Variants in DDR2 observed in about 807,000 individuals in gnomAD.
The protein encoded by DDR2 is discoidin domain receptor tyrosine kinase 2.
DDR2 carries 27 observed loss-of-function variants against 94.9 expected under a neutral mutation model. The ratio of observed to expected loss-of-function variants is 0.28; its 90% confidence interval spans 0.21 to 0.39. The LOEUF is 0.39. Among genes scored for constraint, DDR2 ranks in the 10% least tolerant of loss-of-function variants. The pLI, the probability that DDR2 is intolerant of heterozygous loss-of-function variation, is 1.00. For missense variants in DDR2, 783 were observed against 1,076.0 expected (o/e 0.73, Z 3.81); for synonymous variants, 382 against 377.2 (o/e 1.01, Z -0.15).
At chr1:162,690,769 C>G (rs1659927866) in intron 2 of DDR2, among the ~76,000 whole-genome samples, 1 of 152,194 alleles carries the variant, frequency 6.6e-6, no homozygotes, top group Non-Finnish European at 1.5e-5. Flanking sequence ...TTGAATCACA[C>G]AAGCCCTCAT....
chr1:162,696,704 G>A (rs1271477823), intron 2 of DDR2, among the ~76,000 whole-genome samples: 1 of 151,982 alleles, frequency 6.6e-6, no homozygotes, highest in African/African-American at 2.4e-5. Context: ...TAAACCAGAG[G>A]CCCCTTTCCT....
At chr1:162,682,223 A>G (rs1361206577) in intron 2 of DDR2, among the ~76,000 whole-genome samples, 1 of 152,132 alleles carries the variant, frequency 6.6e-6, no homozygotes, top group Non-Finnish European at 1.5e-5. Flanking sequence ...GCCCAGGCTT[A>G]AGTATGCATC....
At chr1:162,717,869 A>T (rs1661241368) in intron 2 of DDR2, among the ~76,000 whole-genome samples, 1 of 152,194 alleles carries the variant, frequency 6.6e-6, no homozygotes. Context: ...TCCACTGAAA[A>T]GTGACCCTTT....
At position 162,768,652 on chromosome 1, in the gene DDR2, A is replaced by G. The variant is rs146911975; in HGVS notation, c.1293+1293A>G. On this transcript the variant is annotated intron_variant, in intron 11 of 17. Coordinates refer to ENST00000367921, the MANE Select transcript of DDR2 (RefSeq NM_006182.4). ...GGAGCAATCCTGATGAGTAGCCTGC[A>G]ATTCCTTCTGATCTGTGCCACCCTC... 5.2e-3 allele frequency among the ~76,000 whole-genome samples: 785 copies of G among 152,272 alleles called. 6 individuals are homozygous for G. The highest frequency in any genetic ancestry group is 0.018 in the African/African-American group (754 of 41,546).
chr1:162,775,920 C>T (rs1004765941), intron 15 of DDR2, 77 bp downstream of exon 15: 5 of 1,572,794 alleles, frequency 3.2e-6, no homozygotes, highest in Admixed American at 1.7e-5. Context: ...GAGCAGTGAG[C>T]CTTAAAGTGT....
intron 1 of DDR2, among the ~76,000 whole-genome samples, chr1:162,652,134 C>T (rs1657722741): frequency 6.6e-6 from 1 of 152,236 alleles, no homozygotes; most frequent in South Asian, 2.1e-4. Context: ...TAGTTAGCAT[C>T]TCTAAATATT....
In DDR2 at chr1:162,770,298, C is replaced by G. The variant is rs2102180523; in HGVS notation, c.1294-4C>G. The G allele has an allele frequency of 1.2e-6, 2 of 1,613,914 alleles. No individual in the cohort carries two copies. On this transcript the variant is annotated splice_polypyrimidine_tract_variant and splice_region_variant and intron_variant, in intron 11 of 17. Transcript: ENST00000367921. The stretch of plus-strand genomic sequence containing the variant: ...ATGCCTTTCTCCTTGCTCTTCTCTT[C>G]CAGGCTTCTCGGAGGATGCTGGATG...
Position 162,780,282 on chromosome 1 carries a change from G to A in DDR2, c.*36G>A, listed in dbSNP as rs908287115. On this transcript the variant is annotated 3_prime_UTR_variant, in exon 18 of 18. Transcript: ENST00000367921. ...GCCTGGCCATGTTCCTACGGCTCAGGTCCTCCCTACAAGACCTACCACTCA... is the reference window on the plus strand; with the variant it reads ...GCCTGGCCATGTTCCTACGGCTCAGATCCTCCCTACAAGACCTACCACTCA... 3 of 1,613,278 alleles carry A rather than the reference G, an allele frequency of 1.9e-6. No homozygotes were observed. Among genetic ancestry groups the A allele is most frequent in the East Asian group, 2.2e-5 (1 of 44,834 alleles).
chr1:162,655,660 T>C lies in DDR2; in HGVS notation c.-28+286T>C, dbSNP rs573734120. Among the ~76,000 whole-genome samples the C allele has an allele frequency of 3.7e-4, 56 of 152,358 alleles. 1 individual carries two copies. The South Asian group carries it at 0.011, about 30-fold the overall frequency. ...CTGGCCTAGAATGTCTTCCTCAGTT[T>C]TGAGTAAGCCAGGGTACCTGGCCTC... On this transcript the variant is annotated intron_variant, in intron 2 of 17. Coordinates refer to ENST00000367921, the MANE Select transcript of DDR2 (RefSeq NM_006182.4).
intron 3 of DDR2, among the ~76,000 whole-genome samples, chr1:162,745,183 AT>A (rs1235243622): frequency 6.6e-6 from 1 of 152,184 alleles, no homozygotes; most frequent in East Asian, 1.9e-4. Context: ...TTAAAATCAT[AT>A]TTTTTGTTTC....
chr1:162,759,013 G>A (rs1436989680), intron 7 of DDR2, among the ~76,000 whole-genome samples: 1 of 152,116 alleles, frequency 6.6e-6, no homozygotes, highest in Non-Finnish European at 1.5e-5. Flanking sequence ...TCAGGCTTCT[G>A]GAAAACTCAG....
intron 3 of DDR2, among the ~76,000 whole-genome samples, chr1:162,748,619 A>G (rs1214324454): frequency 6.6e-6 from 1 of 152,230 alleles, no homozygotes; most frequent in Non-Finnish European, 1.5e-5. Flanking sequence ...TAACAAGGAT[A>G]TCCAGGACTT....
chr1:162,753,701 C>A (rs1365173999), intron 4 of DDR2, among the ~76,000 whole-genome samples: 1 of 152,170 alleles, frequency 6.6e-6, no homozygotes, highest in Non-Finnish European at 1.5e-5. Context: ...CACAGAAGGG[C>A]CATCCTTGCC....
At chr1:162,773,866 A>G (rs996139027) in intron 14 of DDR2, among the ~76,000 whole-genome samples, 22 of 152,192 alleles carry the variant, frequency 1.4e-4, no homozygotes, top group African/African-American at 5.1e-4. Flanking sequence ...ACTTGTTCCC[A>G]ACATATACAA....
chr1:162,672,604 G>A (rs1256490892), intron 2 of DDR2, among the ~76,000 whole-genome samples: 1 of 151,996 alleles, frequency 6.6e-6, no homozygotes, highest in Non-Finnish European at 1.5e-5. Flanking sequence ...ATAGATTCAT[G>A]TATACTTTAT....
chr1:162,766,039 T>C lies in DDR2; in HGVS notation c.1138T>C (p.Ser380Pro). Residue 380 changes from serine (S) to proline (P), a missense_variant, in exon 10 of 18, where the codon TCT becomes CCT. Around this residue, in one of 2 missense-constraint regions of DDR2, gnomAD observed 519 missense variants for 647.9 expected, o/e 0.80. Transcript: ENST00000367921. ...CAACAACTCTGAAGCCCTGCCCACC[T>C]CTCCTATGGCACCCACAACCTATGG... ...MYNNSEALPTSPMAPTTYDPM... is the reference protein window; with the variant it reads ...MYNNSEALPTPPMAPTTYDPM... The C allele has an allele frequency of 6.2e-7, 1 of 1,613,812 alleles. No individual in the cohort carries two copies. The highest frequency in any genetic ancestry group is 2.2e-5 in the East Asian group (1 of 44,870).
At chr1:162,723,355 G>A (rs1661505312) in intron 3 of DDR2, among the ~76,000 whole-genome samples, 1 of 152,160 alleles carries the variant, frequency 6.6e-6, no homozygotes, top group South Asian at 2.1e-4. Flanking sequence ...GGCTGGGACT[G>A]CCAAACTTGA....
At chr1:162,714,989 T>C (rs1661097616) in intron 2 of DDR2, among the ~76,000 whole-genome samples, 1 of 152,202 alleles carries the variant, frequency 6.6e-6, no homozygotes, top group Non-Finnish European at 1.5e-5. Flanking sequence ...TTGACATGCT[T>C]CCATGTATAC....
intron 2 of DDR2, among the ~76,000 whole-genome samples, chr1:162,663,884 G>A (rs1658421796): frequency 6.6e-6 from 1 of 152,088 alleles, no homozygotes; most frequent in Non-Finnish European, 1.5e-5. Flanking sequence ...TCTTTTTGTT[G>A]CAAAACTTTA....
Sources: gnomAD v4.1 joint callset for allele counts (sites outside exome capture counted in the v4.1 genomes callset) on GRCh38, gnomAD v4.1.1 for gene constraint, gnomAD v4.1.1 regional missense constraint, MANE v1.5 for transcripts, NCBI Gene and HGNC (gene_info 2026-07-23, HGNC 2026-07-21) for gene names.